The following SV2C variants were observed in gnomAD, a reference collection of about 807,000 sequenced individuals.
SV2C encodes solute carrier family 22 member B3.
Under a neutral mutation model 79.7 loss-of-function variants are expected in SV2C, and 49 were observed. The ratio of observed to expected loss-of-function variants is 0.61; its 90% CI spans 0.49 to 0.78. The LOEUF (loss-of-function observed/expected upper bound fraction) is 0.78, where lower values mean the gene tolerates loss of function less well. Ranked by LOEUF, SV2C falls within the 30% of genes least tolerant of loss-of-function variation. SV2C has a pLI of 0.00. For synonymous variants in SV2C, 334 were observed against 333.2 expected (o/e 1.00, Z -0.03); for missense variants, 833 against 912.9 (o/e 0.91, Z 1.13).
At chr5:76,353,115 A>ATTT in intron 12 of SV2C, 1 of 369,736 alleles carries the variant, frequency 2.7e-6, no homozygotes, top group East Asian at 8.0e-5. Context: ...TAATTTTTTA[A>ATTT]TTTTTTTTTT....
intron 4 of SV2C, among the ~76,000 whole-genome samples, chr5:76,274,949 T>G (rs1746978303): frequency 6.6e-6 from 1 of 152,168 alleles, no homozygotes; most frequent in Non-Finnish European, 1.5e-5. Context: ...CCTAAGCTTG[T>G]TGGGCCCTTG....
At chr5:75,948,349 AT>A in the SV2C span, among the ~76,000 whole-genome samples, 1 of 152,132 alleles carries the variant, frequency 6.6e-6, no homozygotes, top group Non-Finnish European at 1.5e-5. Context: ...ATGCACATAC[AT>A]TTGTTTATCC....
At chr5:76,226,375 A>T (rs1745241224) in intron 4 of SV2C, among the ~76,000 whole-genome samples, 2 of 152,170 alleles carry the variant, frequency 1.3e-5, no homozygotes, top group Admixed American at 1.3e-4. Flanking sequence ...TCTATAGAGG[A>T]TTAGCAGCTA....
At chr5:75,985,139 A>G in the SV2C span, among the ~76,000 whole-genome samples, 1 of 151,960 alleles carries the variant, frequency 6.6e-6, no homozygotes, top group South Asian at 2.1e-4. Context: ...AGGAGCAGCT[A>G]TGTGCAAAAA....
chr5:76,254,793 T>G (rs980442318), intron 4 of SV2C, among the ~76,000 whole-genome samples: 184 of 152,214 alleles, frequency 1.2e-3, no homozygotes, highest in African/African-American at 4.2e-3. Context: ...TTTTCTGTAT[T>G]GCTTGCCACA....
chr5:76,065,410 T>C, the SV2C span, among the ~76,000 whole-genome samples: 3 of 152,096 alleles, frequency 2.0e-5, no homozygotes, highest in African/African-American at 4.8e-5. Context: ...ATCAAAGACA[T>C]GGGAAAAACA....
chr5:76,288,684 G>A (rs1301924678), intron 6 of SV2C, among the ~76,000 whole-genome samples: 1 of 152,102 alleles, frequency 6.6e-6, no homozygotes. Context: ...ATGGCGATGT[G>A]TTAATGTTGT....
chr5:76,258,288 A>G (rs1459360259), intron 4 of SV2C, among the ~76,000 whole-genome samples: 1 of 152,056 alleles, frequency 6.6e-6, no homozygotes, highest in East Asian at 1.9e-4. Flanking sequence ...CAGATGGTCT[A>G]CTACAGACAA....
the SV2C span, among the ~76,000 whole-genome samples, chr5:75,869,508 AC>A: frequency 6.6e-6 from 1 of 151,990 alleles, no homozygotes; most frequent in African/African-American, 2.4e-5. Context: ...CACCAGGTAG[AC>A]CCCTAAGATC....
chr5:76,086,461 C>CT (rs1388692851), intron 1 of SV2C, among the ~76,000 whole-genome samples: 1 of 152,172 alleles, frequency 6.6e-6, no homozygotes, highest in Non-Finnish European at 1.5e-5. Context: ...CAAAATGCCT[C>CT]TTTTTCTGTG....
At chr5:76,122,098 T>C (rs1006987311) in intron 1 of SV2C, among the ~76,000 whole-genome samples, 19 of 151,660 alleles carry the variant, frequency 1.3e-4, no homozygotes, top group African/African-American at 4.6e-4. Context: ...CCCTTGTAAG[T>C]TGGATTCCTA....
chr5:75,939,224 T>G, the SV2C span, among the ~76,000 whole-genome samples: 9 of 152,270 alleles, frequency 5.9e-5, no homozygotes, highest in Non-Finnish European at 1.3e-4. Context: ...CTGGGTAGTT[T>G]AAGCAACAGG....
chr5:75,996,700 A>G, the SV2C span, among the ~76,000 whole-genome samples: 1 of 152,058 alleles, frequency 6.6e-6, no homozygotes, highest in South Asian at 2.1e-4. Context: ...GGGCCTTCAC[A>G]TCCTTTGTAA....
At chr5:75,975,841 C>T in the SV2C span, among the ~76,000 whole-genome samples, 59 of 152,284 alleles carry the variant, frequency 3.9e-4, no homozygotes, top group Middle Eastern at 6.8e-3. Context: ...CAGGCAGCAT[C>T]GGTCTCTCTA....
At chr5:76,297,818 C>A (rs1747828801) in intron 9 of SV2C, among the ~76,000 whole-genome samples, 1 of 152,118 alleles carries the variant, frequency 6.6e-6, no homozygotes, top group Non-Finnish European at 1.5e-5. Flanking sequence ...AACCTACTTA[C>A]CTAGAAGGAT....
the SV2C span, among the ~76,000 whole-genome samples, chr5:75,889,284 T>C: frequency 1.4e-5 from 2 of 146,062 alleles, no homozygotes; most frequent in Non-Finnish European, 3.0e-5. Context: ...CAGTGTGTGA[T>C]GTTCTCCTCC....
At chr5:76,321,718 G>A (rs1316034678) in intron 12 of SV2C, among the ~76,000 whole-genome samples, 1 of 150,370 alleles carries the variant, frequency 6.7e-6, no homozygotes, top group Non-Finnish European at 1.5e-5. Flanking sequence ...TCCAGCCTGG[G>A]TGACATGAGC....
chr5:75,905,588 A>G, the SV2C span, among the ~76,000 whole-genome samples: 1 of 152,124 alleles, frequency 6.6e-6, no homozygotes, highest in African/African-American at 2.4e-5. Context: ...GAGGCAGAGT[A>G]CAGAAGAGAG....
chr5:75,957,604 T>C, the SV2C span, among the ~76,000 whole-genome samples: 2 of 152,060 alleles, frequency 1.3e-5, no homozygotes, highest in South Asian at 2.1e-4. Context: ...ATCCAAACTT[T>C]CTTTGATCAG....
Sources: gnomAD v4.1 joint callset for allele counts (sites outside exome capture counted in the v4.1 genomes callset) on GRCh38, gnomAD v4.1.1 for gene constraint, MANE v1.5 for transcripts, NCBI Gene and HGNC (gene_info 2026-07-23, HGNC 2026-07-21) for gene names.